Variants in WDR88 observed in about 807,000 individuals in gnomAD.
The protein encoded by WDR88 is WD repeat-containing protein 88.
In WDR88, 40 loss-of-function variants were observed where a neutral mutation model predicts 46.8. The ratio of observed to expected loss-of-function variants is 0.86; its 90% CI spans 0.66 to 1.11. WDR88 has a LOEUF of 1.11. Among genes scored for constraint, WDR88 ranks in the 50% most tolerant of loss-of-function variants. The probability of loss-of-function intolerance (pLI) is 0.00; values close to 1 mark genes in which losing one functional copy is unlikely to be tolerated. For missense variants in WDR88, 562 were observed against 602.4 expected (o/e 0.93, Z 0.70); for synonymous variants, 235 against 240.7 (o/e 0.98, Z 0.22).
In WDR88 at chr19:33,169,506, T is replaced by C. The variant is rs1021444474; in HGVS notation, c.1150-2842T>C. Among the ~76,000 whole-genome samples the C allele has an allele frequency of 2.0e-5, 3 of 152,106 alleles. No homozygotes were observed. The South Asian group carries it at 6.2e-4, about 32-fold the overall frequency. ...ATGGCAAGATGCTCAACATCATTAGTCATTAGGGAAATGCAAATCAAAAGC... is the reference window on the plus strand; with the variant it reads ...ATGGCAAGATGCTCAACATCATTAGCCATTAGGGAAATGCAAATCAAAAGC... On this transcript the variant is annotated intron_variant, in intron 9 of 10. Coordinates refer to ENST00000355868, the MANE Select transcript of WDR88 (RefSeq NM_173479.4).
intron 10 of WDR88, chr19:33,174,186 A>T: frequency 3.9e-6 from 6 of 1,536,388 alleles, no homozygotes; most frequent in Non-Finnish European, 5.2e-6. Context: ...AAAAAGGAAA[A>T]GAAAGAGGCC....
rs770072240 is a variant in WDR88 at position 33,132,495 on chromosome 19, GA to G, written c.276+51del. On this transcript the variant is annotated intron_variant, in intron 1 of 10. Coordinates refer to ENST00000355868, the MANE Select transcript of WDR88 (RefSeq NM_173479.4). ...GGGCACTGGCCTGTTCCCCACACGG[GA>G]GGAAGGCGCTCGAGCTGTCGGGGGA... 3.5e-5 allele frequency: 56 copies of G among 1,594,856 alleles called. 1 individual carries two copies. Among genetic ancestry groups the G allele is most frequent in the Non-Finnish European group, 4.3e-5 (50 of 1,166,960 alleles).
intron 2 of WDR88, among the ~76,000 whole-genome samples, chr19:33,140,514 G>A (rs888501109): frequency 3.3e-5 from 5 of 152,186 alleles, no homozygotes; most frequent in Non-Finnish European, 7.4e-5. Flanking sequence ...CGTCGGCTGG[G>A]CGCAGTGGCT....
At chr19:33,146,572 G>A (rs1049968105) in intron 3 of WDR88, among the ~76,000 whole-genome samples, 6 of 151,548 alleles carry the variant, frequency 4.0e-5, no homozygotes, top group African/African-American at 7.3e-5. Flanking sequence ...ACGCTGGAGC[G>A]CAGTGGCGCA....
intron 6 of WDR88, among the ~76,000 whole-genome samples, chr19:33,155,094 T>C (rs1380200083): frequency 6.6e-6 from 1 of 152,176 alleles, no homozygotes; most frequent in Non-Finnish European, 1.5e-5. Context: ...AGGCTTTTTA[T>C]TATTATTATT....
intron 6 of WDR88, among the ~76,000 whole-genome samples, chr19:33,152,873 T>G (rs537013358): frequency 7.2e-5 from 11 of 152,278 alleles, no homozygotes; most frequent in Non-Finnish European, 1.2e-4. Context: ...GTGCTGGGAT[T>G]AAGAACTTCA....
intron 2 of WDR88, among the ~76,000 whole-genome samples, chr19:33,138,652 A>G (rs981970797): frequency 2.2e-5 from 3 of 134,692 alleles, no homozygotes; most frequent in East Asian, 4.3e-4. Context: ...TGGCCCCCAC[A>G]CCTTTTTTTT....
At chr19:33,163,536 C>CA (rs981921019) in intron 8 of WDR88, among the ~76,000 whole-genome samples, 26 of 151,332 alleles carry the variant, frequency 1.7e-4, no homozygotes, top group African/African-American at 5.3e-4. Context: ...ACAACAACAA[C>CA]AAAAAAAATA....
chr19:33,132,513 G>A lies in WDR88; in HGVS notation c.276+68G>A, dbSNP rs975620807. 5 of 1,569,156 alleles carry A rather than the reference G, an allele frequency of 3.2e-6. No homozygotes were observed. The African/African-American group carries it at 5.4e-5, about 17-fold the overall frequency. On this transcript the variant is annotated intron_variant, in intron 1 of 10. Coordinates refer to ENST00000355868, the MANE Select transcript of WDR88 (RefSeq NM_173479.4). ...CACACGGGAGGAAGGCGCTCGAGCTGTCGGGGGACCCATGGAAAACCCACC... is the reference window on the plus strand; with the variant it reads ...CACACGGGAGGAAGGCGCTCGAGCTATCGGGGGACCCATGGAAAACCCACC...
At chr19:33,172,085 C>T (rs1039035190) in intron 9 of WDR88, among the ~76,000 whole-genome samples, 5 of 152,176 alleles carry the variant, frequency 3.3e-5, no homozygotes, top group African/African-American at 7.2e-5. Flanking sequence ...TTTTACTATT[C>T]ATCCCTCCTC....
chr19:33,174,173 G>C (rs887227433), intron 10 of WDR88: 2 of 1,536,040 alleles, frequency 1.3e-6, no homozygotes, highest in Non-Finnish European at 1.7e-6. Context: ...TCTATTTCTT[G>C]CAAAAAAGGA....
intron 9 of WDR88, among the ~76,000 whole-genome samples, chr19:33,165,327 CAG>C (rs1973935802): frequency 6.6e-6 from 1 of 151,580 alleles, no homozygotes; most frequent in South Asian, 2.1e-4. Context: ...ATCAACTTTT[CAG>C]AGAGCCAACT....
chr19:33,163,843 G>C (rs1254329576), intron 8 of WDR88, among the ~76,000 whole-genome samples: 2 of 151,842 alleles, frequency 1.3e-5, no homozygotes. Flanking sequence ...TATGTTGCCC[G>C]GGCTGGTCTC....
chr19:33,141,589 T>C (rs377052485), intron 2 of WDR88, among the ~76,000 whole-genome samples: 2 of 152,092 alleles, frequency 1.3e-5, no homozygotes, highest in African/African-American at 2.4e-5. Context: ...AGATTGGGCA[T>C]AGGATGAAGA....
intron 2 of WDR88, among the ~76,000 whole-genome samples, chr19:33,141,837 C>A (rs1347101799): frequency 1.3e-5 from 2 of 152,076 alleles, no homozygotes; most frequent in Admixed American, 6.6e-5. Context: ...CCTGCCACCA[C>A]GCCCGGCTAA....
At chr19:33,156,055 C>G (rs1345733968) in intron 6 of WDR88, among the ~76,000 whole-genome samples, 2 of 152,228 alleles carry the variant, frequency 1.3e-5, no homozygotes, top group African/African-American at 4.8e-5. Flanking sequence ...CATAGCGAAA[C>G]ACTGTCTCTA....
At chr19:33,146,600 C>T (rs1040531900) in intron 3 of WDR88, among the ~76,000 whole-genome samples, 16 of 152,138 alleles carry the variant, frequency 1.1e-4, no homozygotes, top group African/African-American at 3.4e-4. Context: ...CTCACTGTAA[C>T]CTCCGCCTCC....
intron 6 of WDR88, among the ~76,000 whole-genome samples, chr19:33,155,586 CAG>C (rs1482829343): frequency 6.6e-6 from 1 of 151,988 alleles, no homozygotes; most frequent in African/African-American, 2.4e-5. Context: ...AGGGGTGGAA[CAG>C]GGGGAGACCA....
chr19:33,137,773 ACT>A lies in WDR88; in HGVS notation c.374_375del (p.Thr125SerfsTer16), dbSNP rs1185388067. The A allele has an allele frequency of 1.9e-6, 3 of 1,613,268 alleles. No homozygotes were observed. The East Asian group carries it at 6.7e-5, about 36-fold the overall frequency. On this transcript the variant is annotated frameshift_variant, in exon 2 of 11. Transcript: ENST00000355868. LOFTEE classifies it high-confidence loss of function. ...TKLLSGSYDC[T>X]VKLWDPVDGS... ...GCTCCTCAGTGGCTCCTATGACTGCACTGTGAAGCTGTGGGTAGGTGGCCGGC... is the reference window on the plus strand; with the variant it reads ...GCTCCTCAGTGGCTCCTATGACTGCAGTGAAGCTGTGGGTAGGTGGCCGGC...
Sources: gnomAD v4.1 joint callset for allele counts (sites outside exome capture counted in the v4.1 genomes callset) on GRCh38, gnomAD v4.1.1 for gene constraint, MANE v1.5 for transcripts, NCBI Gene and HGNC (gene_info 2026-07-23, HGNC 2026-07-21) for gene names.